Variants in LOC128462377 observed in about 807,000 individuals in gnomAD.
chr16:89,328,994 C>T, the LOC128462377 span: 2 of 150,184 alleles, frequency 1.3e-5, no homozygotes, highest in Non-Finnish European at 3.0e-5. Context: ...AGTGGACATA[C>T]CCAGGCGCAC....
chr16:89,391,144 T>C, the LOC128462377 span, among the ~76,000 whole-genome samples: 4 of 147,944 alleles, frequency 2.7e-5, no homozygotes, highest in Non-Finnish European at 4.4e-5. Flanking sequence ...AGGAGAATGG[T>C]GTGAACCCGG....
the LOC128462377 span, among the ~76,000 whole-genome samples, chr16:89,338,748 A>AAAAAAAG: frequency 6.6e-6 from 1 of 151,328 alleles, no homozygotes; most frequent in Non-Finnish European, 1.5e-5. Context: ...AAAAAAAAAA[A>AAAAAAAG]AAGAGCGAGC....
the LOC128462377 span, among the ~76,000 whole-genome samples, chr16:89,404,130 C>T: frequency 2.6e-5 from 4 of 152,280 alleles, no homozygotes; most frequent in South Asian, 8.3e-4. Flanking sequence ...ATCAGGAGTC[C>T]TCTCAGCACC....
the LOC128462377 span, among the ~76,000 whole-genome samples, chr16:89,405,491 ATTTTTTTTTTTT>A: frequency 9.0e-6 from 1 of 111,458 alleles, no homozygotes; most frequent in East Asian, 2.5e-4. Flanking sequence ...CACCTGGCTC[ATTTTTTTTTTTT>A]TTTTTTTTTG....
At chr16:89,324,156 T>C in the LOC128462377 span, 3 of 1,056,488 alleles carry the variant, frequency 2.8e-6, no homozygotes, top group South Asian at 5.0e-5. Context: ...CTGTTTCCAC[T>C]CACATTTTCT....
chr16:89,375,224 C>T, the LOC128462377 span, among the ~76,000 whole-genome samples: 25 of 152,180 alleles, frequency 1.6e-4, no homozygotes, highest in African/African-American at 5.3e-4. Flanking sequence ...CTTAAAACAC[C>T]GTGTGACACT....
chr16:89,367,591 C>A, the LOC128462377 span, among the ~76,000 whole-genome samples: 1 of 152,214 alleles, frequency 6.6e-6, no homozygotes. Context: ...CCCTCCTCAG[C>A]CTGACAAGTC....
At chr16:89,321,894 C>T in the LOC128462377 span, among the ~76,000 whole-genome samples, 4 of 152,192 alleles carry the variant, frequency 2.6e-5, no homozygotes, top group African/African-American at 4.8e-5. Context: ...GCCTCCTCAA[C>T]GTGAAAACCC....
At chr16:89,401,947 C>T in the LOC128462377 span, among the ~76,000 whole-genome samples, 1 of 151,214 alleles carries the variant, frequency 6.6e-6, no homozygotes, top group Non-Finnish European at 1.5e-5. Flanking sequence ...TGCCCGCCCC[C>T]ACCCCTCCAG....
At chr16:89,397,208 G>A in the LOC128462377 span, among the ~76,000 whole-genome samples, 1 of 152,158 alleles carries the variant, frequency 6.6e-6, no homozygotes, top group Non-Finnish European at 1.5e-5. Flanking sequence ...ACAGTCCTGA[G>A]GATGAGGACC....
At chr16:89,324,118 C>T in the LOC128462377 span, 9 of 682,398 alleles carry the variant, frequency 1.3e-5, no homozygotes, top group Admixed American at 4.2e-4. Flanking sequence ...CCAAAGTGCC[C>T]CACGGCACAA....
At chr16:89,339,921 T>C in the LOC128462377 span, 7 of 152,224 alleles carry the variant, frequency 4.6e-5, no homozygotes, top group African/African-American at 1.4e-4. Flanking sequence ...AGGTAACGCA[T>C]TGGACGGTTC....
chr16:89,360,352 C>A, the LOC128462377 span, among the ~76,000 whole-genome samples: 1 of 152,330 alleles, frequency 6.6e-6, no homozygotes, highest in Middle Eastern at 3.4e-3. Flanking sequence ...TCGAATTGGT[C>A]TCCCAAGTAG....
chr16:89,408,056 G>T, the LOC128462377 span, among the ~76,000 whole-genome samples: 2 of 152,124 alleles, frequency 1.3e-5, no homozygotes, highest in Non-Finnish European at 2.9e-5. Context: ...CTGCCCTCAA[G>T]CTGGTCCCAG....
At chr16:89,351,771 C>A in the LOC128462377 span, among the ~76,000 whole-genome samples, 1 of 152,190 alleles carries the variant, frequency 6.6e-6, no homozygotes, top group Non-Finnish European at 1.5e-5. Context: ...GATTAAAGGT[C>A]CAAGTTTCTT....
chr16:89,407,434 T>C, the LOC128462377 span, among the ~76,000 whole-genome samples: 11 of 152,024 alleles, frequency 7.2e-5, no homozygotes, highest in Non-Finnish European at 1.6e-4. Flanking sequence ...CTTCCCAGCA[T>C]TTCCTGCCAG....
the LOC128462377 span, among the ~76,000 whole-genome samples, chr16:89,349,199 G>C: frequency 7.0e-6 from 1 of 142,132 alleles, no homozygotes; most frequent in Non-Finnish European, 1.5e-5. Context: ...TGTGGTGTTA[G>C]CAAAAGAATC....
chr16:89,342,852 C>T, the LOC128462377 span, among the ~76,000 whole-genome samples: 8 of 152,212 alleles, frequency 5.3e-5, no homozygotes, highest in Admixed American at 2.6e-4. Flanking sequence ...TTTCTGTGAT[C>T]GTTTATGCCC....
the LOC128462377 span, among the ~76,000 whole-genome samples, chr16:89,347,504 G>A: frequency 6.6e-6 from 1 of 151,986 alleles, no homozygotes; most frequent in African/African-American, 2.4e-5. Context: ...CCAGCTACTA[G>A]GGAGGCTGAG....
Sources: gnomAD v4.1 joint callset for allele counts (sites outside exome capture counted in the v4.1 genomes callset) on GRCh38, gnomAD v4.1.1 for gene constraint, MANE v1.5 for transcripts.